The following MDGA2 variants were observed in gnomAD, a reference collection of about 807,000 sequenced individuals.
MDGA2 encodes MAM domain-containing glycosylphosphatidylinositol anchor protein 2.
In MDGA2, 40 loss-of-function variants were observed where a neutral mutation model predicts 117.8. The observed-to-expected ratio is 0.34, with a 90% CI of 0.26 to 0.44. The LOEUF (loss-of-function observed/expected upper bound fraction) is 0.44. Among genes scored for constraint, MDGA2 ranks in the 20% least tolerant of loss-of-function variants. The pLI, the probability that MDGA2 is intolerant of heterozygous loss-of-function variation, is 1.00. For synonymous variants in MDGA2, 452 were observed against 439.0 expected (o/e 1.03, Z -0.37); for missense variants, 1,123 against 1,250.6 (o/e 0.90, Z 1.54).
chr14:46,873,938 T>A, intron 13 of MDGA2, 107 bp downstream of exon 13: 1 of 1,023,842 alleles, frequency 9.8e-7, no homozygotes, highest in Non-Finnish European at 1.4e-6. Flanking sequence ...AATTTAATAT[T>A]TTATTCCATA....
chr14:46,856,422 TCAAA>T (rs539457507), intron 14 of MDGA2, among the ~76,000 whole-genome samples: 47 of 152,098 alleles, frequency 3.1e-4, no homozygotes, highest in South Asian at 6.2e-4. Flanking sequence ...TTCCATTTCC[TCAAA>T]CAATTTTCTC....
chr14:47,183,897 C>A (rs909969524), intron 3 of MDGA2, among the ~76,000 whole-genome samples: 1 of 151,908 alleles, frequency 6.6e-6, no homozygotes, highest in African/African-American at 2.4e-5. Flanking sequence ...GAAATCTCCA[C>A]CTCCCTTTTT....
At chr14:47,391,442 C>T (rs1055970875) in intron 1 of MDGA2, among the ~76,000 whole-genome samples, 6 of 152,020 alleles carry the variant, frequency 3.9e-5, no homozygotes, top group South Asian at 2.1e-4. Flanking sequence ...GAGTTATTTC[C>T]GAGGTTTGAG....
At chr14:47,424,777 G>A (rs917783715) in intron 1 of MDGA2, among the ~76,000 whole-genome samples, 1 of 152,102 alleles carries the variant, frequency 6.6e-6, no homozygotes, top group African/African-American at 2.4e-5. Context: ...GAAAAATACT[G>A]ATTTCATAGA....
intron 2 of MDGA2, among the ~76,000 whole-genome samples, chr14:47,242,329 C>A (rs1400879805): frequency 6.6e-6 from 1 of 152,100 alleles, no homozygotes; most frequent in East Asian, 1.9e-4. Context: ...CCTGCCTGGG[C>A]TCCCACTTTG....
At chr14:47,555,291 C>A (rs1253014811) in intron 1 of MDGA2, among the ~76,000 whole-genome samples, 2 of 152,134 alleles carry the variant, frequency 1.3e-5, no homozygotes, top group Non-Finnish European at 2.9e-5. Flanking sequence ...CTGCAACTTT[C>A]TCAGTCACTG....
intron 9 of MDGA2, among the ~76,000 whole-genome samples, chr14:46,949,844 T>C (rs1885306103): frequency 6.6e-6 from 1 of 151,934 alleles, no homozygotes; most frequent in African/African-American, 2.4e-5. Context: ...TATATAATTA[T>C]TTCTTTTCCT....
chr14:47,573,642 T>A (rs1483064983), intron 1 of MDGA2, among the ~76,000 whole-genome samples: 1 of 152,202 alleles, frequency 6.6e-6, no homozygotes. Flanking sequence ...TAAAGCCTGA[T>A]AAAGCACCAA....
chr14:47,652,257 C>T (rs557953273), intron 1 of MDGA2, among the ~76,000 whole-genome samples: 13 of 152,150 alleles, frequency 8.5e-5, no homozygotes, highest in Non-Finnish European at 1.8e-4. Context: ...ATCAGAACAT[C>T]TGAAGTTATT....
intron 1 of MDGA2, among the ~76,000 whole-genome samples, chr14:47,534,394 G>A (rs541856460): frequency 2.0e-4 from 30 of 152,264 alleles, no homozygotes; most frequent in Admixed American, 8.5e-4. Flanking sequence ...GATACTACCC[G>A]AGACTGGGTA....
At chr14:47,598,287 T>C (rs1422583986) in intron 1 of MDGA2, among the ~76,000 whole-genome samples, 1 of 152,204 alleles carries the variant, frequency 6.6e-6, no homozygotes, top group African/African-American at 2.4e-5. Flanking sequence ...AGGTTAAACA[T>C]AGAACTACTA....
chr14:47,406,483 G>A (rs1374721061), intron 1 of MDGA2, among the ~76,000 whole-genome samples: 3 of 152,016 alleles, frequency 2.0e-5, no homozygotes, highest in Admixed American at 1.3e-4. Context: ...ATAAAAGTCT[G>A]AGGAGCAGCA....
At chr14:47,364,611 C>A (rs1290276274) in intron 1 of MDGA2, among the ~76,000 whole-genome samples, 1 of 152,188 alleles carries the variant, frequency 6.6e-6, no homozygotes, top group Non-Finnish European at 1.5e-5. Context: ...TGAATGATAA[C>A]CAAATAAGCA....
chr14:47,239,942 G>A (rs964367188), intron 2 of MDGA2, among the ~76,000 whole-genome samples: 17 of 151,532 alleles, frequency 1.1e-4, no homozygotes, highest in African/African-American at 4.1e-4. Context: ...GAAACATATT[G>A]TGCACATTCA....
intron 5 of MDGA2, among the ~76,000 whole-genome samples, chr14:47,112,307 C>T (rs1047578279): frequency 6.6e-6 from 1 of 152,052 alleles, no homozygotes; most frequent in Non-Finnish European, 1.5e-5. Context: ...CATAGGTAAA[C>T]GTGTGCCATG....
intron 9 of MDGA2, among the ~76,000 whole-genome samples, chr14:46,935,971 ATT>A (rs1281944593): frequency 6.7e-6 from 1 of 150,326 alleles, no homozygotes. Flanking sequence ...AATTTAATTC[ATT>A]TTAAAATTGG....
intron 10 of MDGA2, among the ~76,000 whole-genome samples, chr14:46,919,481 G>A (rs939838984): frequency 6.6e-6 from 1 of 152,106 alleles, no homozygotes. Flanking sequence ...CATAACCCTT[G>A]ATCTTCAGCT....
intron 6 of MDGA2, among the ~76,000 whole-genome samples, chr14:47,064,874 T>A (rs1320346597): frequency 6.6e-6 from 1 of 152,094 alleles, no homozygotes. Context: ...CAGTTAAGAT[T>A]TTAAACTCTT....
intron 1 of MDGA2, among the ~76,000 whole-genome samples, chr14:47,535,120 A>G (rs1456653545): frequency 6.6e-6 from 1 of 152,164 alleles, no homozygotes; most frequent in Non-Finnish European, 1.5e-5. Flanking sequence ...TTGGGTATTC[A>G]GTCTGTATTT....
Sources: allele counts gnomAD v4.1 joint callset (sites outside exome capture counted in the v4.1 genomes callset), GRCh38; gene constraint gnomAD v4.1.1; transcripts MANE v1.5; gene names NCBI Gene and HGNC (gene_info 2026-07-23, HGNC 2026-07-21).